The following GALNT13 variants were observed in gnomAD, a reference collection of about 807,000 sequenced individuals.
GALNT13 encodes polypeptide N-acetylgalactosaminyltransferase 13.
In GALNT13, 28 loss-of-function variants were observed where a neutral mutation model predicts 64.2. The observed-to-expected ratio is 0.44, with a 90% CI of 0.32 to 0.60. The LOEUF is 0.60. GALNT13 is among the 20% of genes least tolerant of loss of function. The pLI is 0.05. For synonymous variants in GALNT13, 214 were observed against 224.6 expected, an observed-to-expected ratio of 0.95 and a Z score of 0.42; for missense variants, 577 against 669.8, an observed-to-expected ratio of 0.86 and a Z score of 1.53.
At chr2:153,631,307 A>C in the GALNT13 span, among the ~76,000 whole-genome samples, 2 of 152,126 alleles carry the variant, frequency 1.3e-5, no homozygotes, top group Non-Finnish European at 2.9e-5. Flanking sequence ...ATGATTTATA[A>C]TCGTTTGGGT....
chr2:154,150,092 G>A (rs1489970360), intron 4 of GALNT13, among the ~76,000 whole-genome samples: 1 of 152,096 alleles, frequency 6.6e-6, no homozygotes, highest in Non-Finnish European at 1.5e-5. Flanking sequence ...ATTATTTTGA[G>A]ATACGTCCCA....
At chr2:154,435,926 A>G (rs1700944473) in intron 11 of GALNT13, 2 of 152,202 alleles carry the variant, frequency 1.3e-5, no homozygotes, top group South Asian at 4.1e-4. Flanking sequence ...TAAATGATAA[A>G]TAATTGAGAT....
At chr2:154,317,211 A>G in intron 9 of GALNT13, among the ~76,000 whole-genome samples, 1 of 110,384 alleles carries the variant, frequency 9.1e-6, no homozygotes, top group Admixed American at 7.8e-5. Flanking sequence ...AGACATCTCA[A>G]AAAAAAAAAA....
At chr2:153,791,613 A>T in the GALNT13 span, among the ~76,000 whole-genome samples, 1 of 152,142 alleles carries the variant, frequency 6.6e-6, no homozygotes, top group African/African-American at 2.4e-5. Flanking sequence ...TACCATAAAG[A>T]CGCATACATG....
chr2:154,311,300 C>T (rs923330010), intron 9 of GALNT13, among the ~76,000 whole-genome samples: 22 of 151,990 alleles, frequency 1.4e-4, no homozygotes, highest in African/African-American at 4.8e-4. Flanking sequence ...TTTTCCTAAG[C>T]GTCGACTGGC....
At chr2:153,985,907 C>T (rs1694765970) in intron 3 of GALNT13, among the ~76,000 whole-genome samples, 1 of 152,054 alleles carries the variant, frequency 6.6e-6, no homozygotes, top group Non-Finnish European at 1.5e-5. Flanking sequence ...TATTTAGTTT[C>T]CTTGGTGTAA....
the GALNT13 span, among the ~76,000 whole-genome samples, chr2:153,318,840 A>C: frequency 6.6e-6 from 1 of 151,900 alleles, no homozygotes; most frequent in Non-Finnish European, 1.5e-5. Flanking sequence ...AAATGGGGGA[A>C]AGTTAGCATT....
the GALNT13 span, among the ~76,000 whole-genome samples, chr2:153,491,918 G>T: frequency 6.6e-6 from 1 of 151,926 alleles, no homozygotes; most frequent in African/African-American, 2.4e-5. Context: ...ATGCCCGGCC[G>T]TATTATCTTT....
chr2:153,298,515 G>A, the GALNT13 span, among the ~76,000 whole-genome samples: 200 of 152,290 alleles, frequency 1.3e-3, 6 homozygotes, highest in East Asian at 0.036. Flanking sequence ...AATGTTAGCA[G>A]GAGATTAATG....
At chr2:153,289,845 A>G in the GALNT13 span, among the ~76,000 whole-genome samples, 1 of 152,160 alleles carries the variant, frequency 6.6e-6, no homozygotes, top group Non-Finnish European at 1.5e-5. Context: ...AAGAAATGGT[A>G]AAATAGTACC....
chr2:154,376,775 T>A (rs1698018269), intron 9 of GALNT13, among the ~76,000 whole-genome samples: 1 of 152,136 alleles, frequency 6.6e-6, no homozygotes, highest in Non-Finnish European at 1.5e-5. Flanking sequence ...TTCGTGGATT[T>A]TCCATGTTTC....
chr2:153,305,033 G>A, the GALNT13 span, among the ~76,000 whole-genome samples: 1 of 152,024 alleles, frequency 6.6e-6, no homozygotes, highest in Non-Finnish European at 1.5e-5. Context: ...TATAATTTTG[G>A]GGGGTAATTT....
intron 2 of GALNT13, among the ~76,000 whole-genome samples, chr2:153,931,940 C>A (rs1314719271): frequency 6.6e-6 from 1 of 152,054 alleles, no homozygotes; most frequent in Non-Finnish European, 1.5e-5. Context: ...AGATTGGCAC[C>A]AGTTCTTTAT....
At chr2:154,207,167 A>T (rs1167919388) in intron 4 of GALNT13, among the ~76,000 whole-genome samples, 1 of 152,176 alleles carries the variant, frequency 6.6e-6, no homozygotes, top group African/African-American at 2.4e-5. Context: ...ATCCCTAGCT[A>T]AGGTGTACGT....
At chr2:154,368,270 G>T (rs1001868257) in intron 9 of GALNT13, among the ~76,000 whole-genome samples, 12 of 151,994 alleles carry the variant, frequency 7.9e-5, no homozygotes, top group African/African-American at 2.9e-4. Context: ...ATTCTGATAT[G>T]AGCTTCTCAT....
At position 154,258,953 on chromosome 2, in the gene GALNT13, A is replaced by G. The variant is rs910103852; in HGVS notation, c.858-68A>G. Reference sequence around the variant, plus strand: ...TTAGAATGTCTCAAAAATACGTGCTACAGTCTCATTAAACTCCATACATTG... The same window carrying G: ...TTAGAATGTCTCAAAAATACGTGCTGCAGTCTCATTAAACTCCATACATTG... On this transcript the variant is annotated intron_variant, in intron 7 of 12. Transcript: ENST00000392825. 1.0e-5 allele frequency: 8 copies of G among 799,234 alleles called. No homozygotes were observed. The Admixed American group carries it at 1.0e-4, about 10-fold the overall frequency. The allele number at this position is 799,234 out of a possible 1,614,324, so 49.5% of individuals were successfully genotyped here. A position where few individuals can be genotyped will look rare whatever the true frequency, so the allele number is the denominator to read the frequency against.
At chr2:153,730,469 C>G in the GALNT13 span, among the ~76,000 whole-genome samples, 2 of 151,760 alleles carry the variant, frequency 1.3e-5, no homozygotes, top group Non-Finnish European at 2.9e-5. Flanking sequence ...AAATATAAGA[C>G]TTGAAACTTT....
Position 153,913,784 on chromosome 2 carries a change from GCATCTGTGTCTTCCCTC to G in GALNT13, c.-105+12785_-105+12801del, listed in dbSNP as rs989301477. On this transcript the variant is annotated intron_variant, in intron 2 of 12. Coordinates refer to ENST00000392825, the MANE Select transcript of GALNT13 (RefSeq NM_052917.4). ...CCCAGTCCCCTCTCCCTTCAGTCCAGCATCTGTGTCTTCCCTCCATCTGTTCTCAATGCCTTGCCTCT... is the reference window on the plus strand; with the variant it reads ...CCCAGTCCCCTCTCCCTTCAGTCCAGCATCTGTTCTCAATGCCTTGCCTCT... Among the ~76,000 whole-genome samples the G allele has an allele frequency of 4.5e-4, 68 of 152,206 alleles. 1 individual carries two copies. The highest frequency in any genetic ancestry group is 3.4e-3 in the Middle Eastern group (1 of 294).
At chr2:154,159,372 TGATCC>T in intron 4 of GALNT13, among the ~76,000 whole-genome samples, 1 of 152,158 alleles carries the variant, frequency 6.6e-6, no homozygotes, top group East Asian at 1.9e-4. Flanking sequence ...TGACCTCAAG[TGATCC>T]ACCCACCTCA....
Sources: gnomAD v4.1 joint callset for allele counts (sites outside exome capture counted in the v4.1 genomes callset) on GRCh38, gnomAD v4.1.1 for gene constraint, MANE v1.5 for transcripts, NCBI Gene and HGNC (gene_info 2026-07-23, HGNC 2026-07-21) for gene names.